RAPGEF6: variants seen among roughly 807,000 people sequenced by gnomAD.
RAPGEF6 encodes the protein Rap guanine nucleotide exchange factor 6.
In RAPGEF6, 56 loss-of-function variants were observed where a neutral mutation model predicts 171.4. The ratio of observed to expected loss-of-function variants is 0.33; its 90% CI spans 0.26 to 0.41. The LOEUF is 0.41. Among genes scored for constraint, RAPGEF6 ranks in the 10% least tolerant of loss-of-function variants. RAPGEF6 has a pLI of 1.00. For synonymous variants in RAPGEF6, 692 were observed against 650.1 expected (o/e 1.06, Z -0.98); for missense variants, 1,674 against 1,921.4 (o/e 0.87, Z 2.41).
At chr5:131,583,630 C>T (rs1321080397) in intron 4 of RAPGEF6, among the ~76,000 whole-genome samples, 1 of 152,188 alleles carries the variant, frequency 6.6e-6, no homozygotes, top group African/African-American at 2.4e-5. Context: ...CTAATTGTAT[C>T]CCTTCCACAT....
intron 1 of RAPGEF6, among the ~76,000 whole-genome samples, chr5:131,622,926 ACT>A (rs1765677992): frequency 6.6e-6 from 1 of 152,062 alleles, no homozygotes; most frequent in African/African-American, 2.4e-5. Flanking sequence ...TCAGAAAAAA[ACT>A]CTGCAAGTGT....
chr5:131,609,647 C>G (rs539133579), intron 1 of RAPGEF6, among the ~76,000 whole-genome samples: 101 of 152,190 alleles, frequency 6.6e-4, no homozygotes, highest in Non-Finnish European at 1.2e-3. Context: ...GAATGTCCAA[C>G]CTGTCAGCAA....
chr5:131,440,143 T>C (rs945545410), intron 23 of RAPGEF6: 16 of 446,370 alleles, frequency 3.6e-5, no homozygotes, highest in Admixed American at 2.5e-5. Flanking sequence ...GCACTGTCAC[T>C]ACCTGTGGTG....
At chr5:131,599,406 A>G (rs1196657006) in intron 3 of RAPGEF6, among the ~76,000 whole-genome samples, 1 of 152,204 alleles carries the variant, frequency 6.6e-6, no homozygotes, top group Non-Finnish European at 1.5e-5. Context: ...CAGTACTTGC[A>G]TGAACACAGG....
At chr5:131,627,021 A>G (rs1765973740) in intron 1 of RAPGEF6, among the ~76,000 whole-genome samples, 1 of 152,224 alleles carries the variant, frequency 6.6e-6, no homozygotes. Flanking sequence ...GGGGGTAGAA[A>G]CAATAAAACA....
At chr5:131,629,512 G>A (rs1203655211) in intron 1 of RAPGEF6, among the ~76,000 whole-genome samples, 1 of 151,818 alleles carries the variant, frequency 6.6e-6, no homozygotes, top group Admixed American at 6.6e-5. Context: ...CCAGCACTTT[G>A]GGAGGCTAAG....
At chr5:131,508,500 T>C (rs1308050585) in intron 8 of RAPGEF6, among the ~76,000 whole-genome samples, 1 of 152,242 alleles carries the variant, frequency 6.6e-6, no homozygotes, top group African/African-American at 2.4e-5. Flanking sequence ...TTATCTAATA[T>C]TCCTAGCCAC....
At position 131,548,008 on chromosome 5, in the gene RAPGEF6, A is replaced by G. The variant is rs745346607; in HGVS notation, c.495+39T>C. 3.8e-6 allele frequency: 6 copies of G among 1,594,956 alleles called. No homozygotes were observed. In the Admixed American group the frequency reaches 1.0e-4, roughly 27 times the overall value. The stretch of plus-strand genomic sequence containing the variant: ...TAAATTAAAGATACTAGATATGAAA[A>G]TTAAGGAAGATTCATGAAGTGTTCC... On this transcript the variant is annotated intron_variant, in intron 6 of 27. Coordinates refer to ENST00000509018, the MANE Select transcript of RAPGEF6 (RefSeq NM_016340.6).
chr5:131,580,550 CGA>C (rs1762894722), intron 4 of RAPGEF6, among the ~76,000 whole-genome samples: 1 of 152,180 alleles, frequency 6.6e-6, no homozygotes, highest in Non-Finnish European at 1.5e-5. Context: ...GCGGTGAGAG[CGA>C]GAGAGGGCCG....
At chr5:131,618,443 C>G (rs935071964) in intron 1 of RAPGEF6, among the ~76,000 whole-genome samples, 7 of 151,890 alleles carry the variant, frequency 4.6e-5, no homozygotes, top group African/African-American at 1.7e-4. Context: ...CCAGCCCAGG[C>G]AACACAGTGG....
chr5:131,560,213 T>C (rs558883365), intron 5 of RAPGEF6, among the ~76,000 whole-genome samples: 1 of 152,326 alleles, frequency 6.6e-6, no homozygotes, highest in South Asian at 2.1e-4. Flanking sequence ...ATTGGAGATA[T>C]AATGCTTCTT....
intron 27 of RAPGEF6, among the ~76,000 whole-genome samples, chr5:131,428,609 C>A (rs1447780945): frequency 2.6e-5 from 4 of 151,868 alleles, no homozygotes; most frequent in Non-Finnish European, 5.9e-5. Context: ...TACAGGCATG[C>A]GCCATAATGC....
At chr5:131,495,704 T>G (rs1756598480) in intron 12 of RAPGEF6, 44 bp from the exon 13 acceptor site, 4 of 1,581,034 alleles carry the variant, frequency 2.5e-6, no homozygotes, top group Admixed American at 1.8e-5. Context: ...TAAGAGGCAT[T>G]CCTTCTGCAC....
intron 7 of RAPGEF6, among the ~76,000 whole-genome samples, chr5:131,517,383 A>G (rs1158655301): frequency 1.3e-5 from 2 of 151,792 alleles, no homozygotes; most frequent in African/African-American, 4.8e-5. Context: ...CCCCACAAAA[A>G]AAGCTGGATT....
intron 1 of RAPGEF6, among the ~76,000 whole-genome samples, chr5:131,622,577 T>C (rs1243560672): frequency 1.3e-5 from 2 of 152,178 alleles, no homozygotes; most frequent in African/African-American, 4.8e-5. Context: ...TGCTTATGCC[T>C]CCACAATCTA....
intron 22 of RAPGEF6, among the ~76,000 whole-genome samples, chr5:131,445,581 G>A (rs746487264): frequency 5.3e-5 from 8 of 151,674 alleles, no homozygotes; most frequent in Non-Finnish European, 1.2e-4. Flanking sequence ...GTCTGTGTGT[G>A]CGCGCGTATT....
Position 131,635,067 on chromosome 5 carries a change from A to G in RAPGEF6, c.-37T>C. 1 of 1,575,500 alleles carries G rather than the reference A, an allele frequency of 6.3e-7. No homozygotes were observed. The highest frequency in any genetic ancestry group is 1.7e-5 in the Admixed American group (1 of 57,656). ...GGGTACTCCGCAGCCTGCCCTTAGC[A>G]GCCCACGCCACAGTTCATTCACACT... On this transcript the variant is annotated 5_prime_UTR_variant, in exon 1 of 28. Coordinates refer to ENST00000509018, the MANE Select transcript of RAPGEF6 (RefSeq NM_016340.6).
At chr5:131,471,587 T>C (rs1450951138) in intron 17 of RAPGEF6, among the ~76,000 whole-genome samples, 2 of 152,186 alleles carry the variant, frequency 1.3e-5, no homozygotes, top group Non-Finnish European at 2.9e-5. Flanking sequence ...ATTATATGTT[T>C]CAGTGCTTAA....
chr5:131,530,638 T>C (rs922080220), intron 6 of RAPGEF6, among the ~76,000 whole-genome samples: 2 of 152,180 alleles, frequency 1.3e-5, no homozygotes, highest in African/African-American at 2.4e-5. Flanking sequence ...TACAAATACT[T>C]GATTTACACA....
Sources: allele counts gnomAD v4.1 joint callset (sites outside exome capture counted in the v4.1 genomes callset), GRCh38; gene constraint gnomAD v4.1.1; transcripts MANE v1.5; gene names NCBI Gene and HGNC (gene_info 2026-07-23, HGNC 2026-07-21).